TBC1D22A: variants seen among roughly 807,000 people sequenced by gnomAD.
The protein encoded by TBC1D22A is putative GTPase activator.
In TBC1D22A, 38 loss-of-function variants were observed where a neutral mutation model predicts 60.2. The observed-to-expected ratio is 0.63, with a 90% CI of 0.49 to 0.83. The LOEUF (loss-of-function observed/expected upper bound fraction) is 0.83, where lower values mean the gene tolerates loss of function less well. Among genes scored for constraint, TBC1D22A ranks in the 40% least tolerant of loss-of-function variants. TBC1D22A has a pLI of 0.00. For synonymous variants in TBC1D22A, 302 were observed against 281.7 expected (o/e 1.07, Z -0.72); for missense variants, 628 against 701.0 (o/e 0.90, Z 1.18).
At chr22:46,987,727 G>A (rs188873674) in intron 9 of TBC1D22A, among the ~76,000 whole-genome samples, 88 of 152,312 alleles carry the variant, frequency 5.8e-4, no homozygotes, top group African/African-American at 2.0e-3. Flanking sequence ...GTGTTTTCTC[G>A]TCTTGACAGC....
intron 12 of TBC1D22A, among the ~76,000 whole-genome samples, chr22:47,119,801 G>T (rs2066207736): frequency 2.0e-5 from 3 of 152,158 alleles, no homozygotes; most frequent in Admixed American, 2.0e-4. Flanking sequence ...GGCCTAGACT[G>T]GGTAATTTAT....
At chr22:46,806,175 C>T (rs2085126331) in intron 4 of TBC1D22A, among the ~76,000 whole-genome samples, 1 of 152,118 alleles carries the variant, frequency 6.6e-6, no homozygotes, top group Admixed American at 6.5e-5. Flanking sequence ...CACATTTACC[C>T]CATGGCTCAG....
intron 4 of TBC1D22A, among the ~76,000 whole-genome samples, chr22:46,824,668 G>C (rs762119281): frequency 7.9e-5 from 12 of 152,166 alleles, no homozygotes; most frequent in Non-Finnish European, 1.6e-4. Context: ...AGTTAGGAGG[G>C]TGGTGGCTGG....
chr22:46,992,036 T>C (rs2074962474), intron 9 of TBC1D22A, among the ~76,000 whole-genome samples: 1 of 152,070 alleles, frequency 6.6e-6, no homozygotes, highest in Non-Finnish European at 1.5e-5. Flanking sequence ...GCCTGGCGAG[T>C]GATGAACATT....
At chr22:47,121,571 T>G (rs1306015808) in intron 12 of TBC1D22A, among the ~76,000 whole-genome samples, 1 of 152,194 alleles carries the variant, frequency 6.6e-6, no homozygotes, top group Non-Finnish European at 1.5e-5. Context: ...TATCGACATA[T>G]GTAATACAGA....
intron 7 of TBC1D22A, among the ~76,000 whole-genome samples, chr22:46,910,498 C>T (rs142447237): frequency 3.3e-4 from 51 of 152,252 alleles, no homozygotes; most frequent in Non-Finnish European, 7.4e-5. Context: ...ATTCATCCAT[C>T]TGTCGGAGCG....
intron 10 of TBC1D22A, among the ~76,000 whole-genome samples, chr22:47,008,842 G>C (rs931165525): frequency 6.6e-6 from 1 of 152,198 alleles, no homozygotes; most frequent in Non-Finnish European, 1.5e-5. Context: ...GGAACAGGCT[G>C]ACCTCCCACC....
At chr22:46,792,431 C>T (rs2084453529) in intron 1 of TBC1D22A, 89 bp from the exon 2 acceptor site, 5 of 1,576,278 alleles carry the variant, frequency 3.2e-6, no homozygotes, top group Admixed American at 1.7e-5. Flanking sequence ...CCTGTGGGTT[C>T]CTGGGAGCCC....
At chr22:46,841,438 C>A (rs928146741) in intron 4 of TBC1D22A, among the ~76,000 whole-genome samples, 7 of 152,200 alleles carry the variant, frequency 4.6e-5, no homozygotes, top group African/African-American at 1.4e-4. Context: ...ATTTTCTGTT[C>A]TTTATAAATT....
chr22:46,797,782 G>A (rs934458380), intron 4 of TBC1D22A, among the ~76,000 whole-genome samples, 162 bp downstream of exon 4: 1 of 152,214 alleles, frequency 6.6e-6, no homozygotes, highest in African/African-American at 2.4e-5. Context: ...TTTCAAGTCA[G>A]TCACTAAGGT....
intron 8 of TBC1D22A, among the ~76,000 whole-genome samples, chr22:46,968,269 G>A (rs2073903303): frequency 6.6e-6 from 1 of 152,210 alleles, no homozygotes; most frequent in Non-Finnish European, 1.5e-5. Context: ...TGAAAAGCAT[G>A]TAGACTAATC....
At position 46,925,329 on chromosome 22, in the gene TBC1D22A, G is replaced by A. The variant is rs566095605; in HGVS notation, c.1015+13141G>A. 1.5e-4 allele frequency among the ~76,000 whole-genome samples: 23 copies of A among 152,340 alleles called. No individual in the cohort carries two copies. The East Asian group carries it at 2.3e-3, about 15-fold the overall frequency. ...TTTTCTGTAGCAGTTCTAGACCCAC[G>A]TGAGACAAGCAGAGAGTTCCCTGGG... On this transcript the variant is annotated intron_variant, in intron 8 of 12. Coordinates refer to ENST00000337137, the MANE Select transcript of TBC1D22A (RefSeq NM_014346.5).
chr22:47,005,732 A>G (rs566316489), intron 10 of TBC1D22A, among the ~76,000 whole-genome samples: 2 of 151,494 alleles, frequency 1.3e-5, no homozygotes, highest in East Asian at 3.9e-4. Flanking sequence ...ACATCCTCAT[A>G]TACATGTACA....
intron 12 of TBC1D22A, among the ~76,000 whole-genome samples, chr22:47,148,868 C>T (rs114417432): frequency 0.011 from 1,678 of 152,322 alleles, 18 homozygotes; most frequent in African/African-American, 0.038. Flanking sequence ...CTGACCCAGC[C>T]TTGCCACCTC....
At chr22:47,132,884 A>G (rs2066728265) in intron 12 of TBC1D22A, among the ~76,000 whole-genome samples, 1 of 152,168 alleles carries the variant, frequency 6.6e-6, no homozygotes, top group Non-Finnish European at 1.5e-5. Context: ...GAGCCATTGG[A>G]TTTCAGTTCG....
chr22:46,765,906 C>T (rs1371846326), intron 1 of TBC1D22A, among the ~76,000 whole-genome samples: 1 of 150,972 alleles, frequency 6.6e-6, no homozygotes, highest in African/African-American at 2.4e-5. Context: ...CCTGCCTCAG[C>T]CTCCTGAGTA....
chr22:46,841,567 T>G (rs1185673918), intron 4 of TBC1D22A, among the ~76,000 whole-genome samples: 1 of 152,242 alleles, frequency 6.6e-6, no homozygotes, highest in African/African-American at 2.4e-5. Context: ...CTGGGTGACA[T>G]TATCCTACAT....
chr22:47,059,628 A>G (rs1254667158), intron 11 of TBC1D22A, among the ~76,000 whole-genome samples: 2 of 152,148 alleles, frequency 1.3e-5, no homozygotes, highest in East Asian at 3.9e-4. Flanking sequence ...CCTGAAAGGC[A>G]GTTTTTTAAG....
intron 11 of TBC1D22A, among the ~76,000 whole-genome samples, chr22:47,065,656 A>ACGAGGACTTAGCAGGCCTCTGAGTT: frequency 6.9e-6 from 1 of 145,638 alleles, no homozygotes; most frequent in Non-Finnish European, 1.5e-5. Flanking sequence ...GGTTGGATTG[A>ACGAGGACTTAGCAGGCCTCTGAGTT]GGGAGACCTG....
Sources: gnomAD v4.1 joint callset for allele counts (sites outside exome capture counted in the v4.1 genomes callset) on GRCh38, gnomAD v4.1.1 for gene constraint, MANE v1.5 for transcripts, NCBI Gene and HGNC (gene_info 2026-07-23, HGNC 2026-07-21) for gene names.